Variants in AP3B1 observed in about 807,000 individuals in gnomAD.
AP3B1 encodes the protein AP-3 complex subunit beta-1.
In AP3B1, 61 loss-of-function variants were observed where a neutral mutation model predicts 132.5. The ratio of observed to expected loss-of-function variants is 0.46; its 90% CI spans 0.37 to 0.57. AP3B1 has a LOEUF of 0.57. Ranked by LOEUF, AP3B1 falls within the 20% of genes least tolerant of loss-of-function variation. The probability of loss-of-function intolerance (pLI) is 0.00; values close to 1 mark genes in which losing one functional copy is unlikely to be tolerated. For synonymous variants in AP3B1, 388 were observed against 438.3 expected, an observed-to-expected ratio of 0.89 and a Z score of 1.43; for missense variants, 1,120 against 1,289.4, an observed-to-expected ratio of 0.87 and a Z score of 2.01.
At chr5:78,030,558 A>G (rs921020910) in intron 24 of AP3B1, among the ~76,000 whole-genome samples, 1 of 151,574 alleles carries the variant, frequency 6.6e-6, no homozygotes, top group Non-Finnish European at 1.5e-5. Flanking sequence ...AGATAATAGG[A>G]TATTCTTCTC....
At chr5:78,097,593 C>T (rs1299167677) in intron 21 of AP3B1, among the ~76,000 whole-genome samples, 1 of 138,020 alleles carries the variant, frequency 7.2e-6, no homozygotes, top group South Asian at 2.3e-4. Context: ...GCCGCCCCGT[C>T]CGGGAGGGAG....
At chr5:78,056,445 C>G (rs1159562296) in intron 22 of AP3B1, among the ~76,000 whole-genome samples, 1 of 152,122 alleles carries the variant, frequency 6.6e-6, no homozygotes, top group Non-Finnish European at 1.5e-5. Flanking sequence ...GAGTTTTCAG[C>G]CCACGTTAAA....
At chr5:78,157,893 G>A (rs758209150) in intron 13 of AP3B1, among the ~76,000 whole-genome samples, 2 of 151,998 alleles carry the variant, frequency 1.3e-5, no homozygotes, top group African/African-American at 4.8e-5. Context: ...GGGATTTACA[G>A]GCGCGCGCCA....
At chr5:78,128,358 A>G (rs1189352578) in intron 16 of AP3B1, among the ~76,000 whole-genome samples, 198 bp from the exon 17 acceptor site, 1 of 152,138 alleles carries the variant, frequency 6.6e-6, no homozygotes, top group Non-Finnish European at 1.5e-5. Flanking sequence ...GGTCAATAAA[A>G]AAGCTAATCA....
chr5:78,267,562 G>C lies in AP3B1; in HGVS notation c.162C>G (p.Asn54Lys), dbSNP rs1353667752. The part of the protein sequence containing the change: ...NEDLKQMLES[N>K]KDSAKLDAMK... ...TAGCATCCAGTTTAGCAGAATCTTT[G>C]TTGCTCTCTAACATTTGCTTTAGAT... The change falls in exon 2 of 27, where the codon AAC becomes AAG. Residue 54 changes from asparagine (N) to lysine (K), a missense_variant. Coordinates refer to ENST00000255194, the MANE Select transcript of AP3B1 (RefSeq NM_003664.5). 6.2e-7 allele frequency: 1 copy of C among 1,610,794 alleles called. No individual in the cohort carries two copies. The highest frequency in any genetic ancestry group is 8.5e-7 in the Non-Finnish European group (1 of 1,178,198).
At chr5:78,247,828 A>T (rs1747441160) in intron 2 of AP3B1, among the ~76,000 whole-genome samples, 1 of 152,186 alleles carries the variant, frequency 6.6e-6, no homozygotes, top group African/African-American at 2.4e-5. Context: ...TACATGTAAT[A>T]GAATTATTAA....
rs374520964 is a variant in AP3B1 at position 78,209,559 on chromosome 5, T to C, written c.786+6496A>G. Reference sequence around the variant, plus strand: ...TGAACCAATGTGCATCTTACAGGTATTGACTAATGTATTATGCCTCCCTAA... The same window carrying C: ...TGAACCAATGTGCATCTTACAGGTACTGACTAATGTATTATGCCTCCCTAA... On this transcript the variant is annotated intron_variant, in intron 7 of 26. Coordinates refer to ENST00000255194, the MANE Select transcript of AP3B1 (RefSeq NM_003664.5). 8.5e-5 allele frequency among the ~76,000 whole-genome samples: 13 copies of C among 152,198 alleles called. No individual in the cohort carries two copies. In the East Asian group the frequency reaches 1.5e-3, roughly 18 times the overall value.
At chr5:78,291,458 G>C (rs1179840337) in intron 1 of AP3B1, among the ~76,000 whole-genome samples, 2 of 128,758 alleles carry the variant, frequency 1.6e-5, no homozygotes, top group African/African-American at 5.8e-5. Context: ...ACACCACAGA[G>C]AAACTGGACA....
chr5:78,120,251 AAGACC>A (rs1166889036), intron 17 of AP3B1, among the ~76,000 whole-genome samples: 1 of 152,250 alleles, frequency 6.6e-6, no homozygotes, highest in Non-Finnish European at 1.5e-5. Context: ...CCAAAATGTA[AAGACC>A]ATCAAGGCTA....
At chr5:78,064,784 G>A (rs747575579) in intron 22 of AP3B1, among the ~76,000 whole-genome samples, 8 of 152,114 alleles carry the variant, frequency 5.3e-5, no homozygotes, top group Non-Finnish European at 1.2e-4. Context: ...CCATTTTACT[G>A]TCTTAAATAT....
chr5:78,135,633 T>C (rs558596350), intron 15 of AP3B1, among the ~76,000 whole-genome samples: 100 of 152,328 alleles, frequency 6.6e-4, no homozygotes, highest in African/African-American at 2.4e-3. Flanking sequence ...TGCTATTATG[T>C]ACTTTTCCAT....
intron 7 of AP3B1, among the ~76,000 whole-genome samples, chr5:78,198,993 A>T (rs756398953): frequency 6.6e-6 from 1 of 152,232 alleles, no homozygotes; most frequent in Non-Finnish European, 1.5e-5. Context: ...TTCTGTGAAG[A>T]AACTGCTATG....
rs530360346 is a variant in AP3B1, at chr5:78,033,694, C to T, written c.2894+667G>A. Among the ~76,000 whole-genome samples the T allele has an allele frequency of 7.2e-5, 11 of 152,038 alleles. No homozygotes were observed. The South Asian group carries it at 1.9e-3, about 26-fold the overall frequency. On this transcript the variant is annotated intron_variant, in intron 24 of 26. Coordinates refer to ENST00000255194, the MANE Select transcript of AP3B1 (RefSeq NM_003664.5). ...GATAATTCTCAATGATGCATGAATA[C>T]GGCTTTGTTCTAATTTGCTAATAGC...
intron 22 of AP3B1, 96 bp from the exon 23 acceptor site, chr5:78,039,370 C>A: frequency 1.0e-6 from 1 of 966,462 alleles, no homozygotes; most frequent in Non-Finnish European, 1.6e-6. Context: ...ATTCTTGGTT[C>A]CCCTACAGTA....
chr5:78,107,893 T>C (rs1751405281), intron 20 of AP3B1, among the ~76,000 whole-genome samples: 2 of 152,240 alleles, frequency 1.3e-5, no homozygotes, highest in Admixed American at 6.5e-5. Flanking sequence ...ACTGTTGTTT[T>C]ATAGTTACAT....
At chr5:78,182,634 G>A (rs968064924) in intron 7 of AP3B1, among the ~76,000 whole-genome samples, 8 of 152,106 alleles carry the variant, frequency 5.3e-5, no homozygotes, top group South Asian at 2.1e-4. Context: ...CACCAGAACC[G>A]CTCTCTCTAG....
intron 14 of AP3B1, among the ~76,000 whole-genome samples, chr5:78,144,596 T>G (rs1753304651): frequency 6.6e-6 from 1 of 152,218 alleles, no homozygotes; most frequent in Non-Finnish European, 1.5e-5. Context: ...GGACTCAATA[T>G]GCATTAAAGC....
At chr5:78,180,223 G>A (rs1182395758) in intron 8 of AP3B1, among the ~76,000 whole-genome samples, 2 of 152,060 alleles carry the variant, frequency 1.3e-5, no homozygotes, top group Non-Finnish European at 2.9e-5. Flanking sequence ...GACAAAAATT[G>A]TTGTTGATAA....
intron 22 of AP3B1, among the ~76,000 whole-genome samples, chr5:78,039,852 C>T (rs1186887036): frequency 6.9e-6 from 1 of 144,886 alleles, no homozygotes; most frequent in Non-Finnish European, 1.5e-5. Flanking sequence ...ATTAATATTA[C>T]AAACATACTC....
Sources: gnomAD v4.1 joint callset for allele counts (sites outside exome capture counted in the v4.1 genomes callset) on GRCh38, gnomAD v4.1.1 for gene constraint, MANE v1.5 for transcripts, NCBI Gene and HGNC (gene_info 2026-07-23, HGNC 2026-07-21) for gene names.